The following C6orf118 variants were observed in gnomAD, a reference collection of about 807,000 sequenced individuals.
The protein encoded by C6orf118 is uncharacterized protein C6orf118.
A neutral mutation model predicts 50.2 loss-of-function variants in C6orf118; 50 were observed. The ratio of observed to expected loss-of-function variants is 1.00; its 90% CI spans 0.79 to 1.26. The LOEUF (loss-of-function observed/expected upper bound fraction) is 1.26. Ranked by LOEUF, C6orf118 falls within the 50% of genes most tolerant of loss-of-function variation. The pLI, the probability that C6orf118 is intolerant of heterozygous loss-of-function variation, is 0.00. For missense variants in C6orf118, 641 were observed against 578.7 expected (o/e 1.11, Z -1.10); for synonymous variants, 239 against 230.9 (o/e 1.03, Z -0.32).
chr6:165,297,027 C>T (rs1780334290), intron 5 of C6orf118, among the ~76,000 whole-genome samples: 1 of 152,194 alleles, frequency 6.6e-6, no homozygotes, highest in Non-Finnish European at 1.5e-5. Flanking sequence ...GATGAAGACA[C>T]ATCCCATGAA....
chr6:165,307,411 T>G (rs1780780349), intron 1 of C6orf118, among the ~76,000 whole-genome samples: 1 of 151,740 alleles, frequency 6.6e-6, no homozygotes, highest in Non-Finnish European at 1.5e-5. Context: ...ATACAGAAAT[T>G]AGACAGGCAT....
At chr6:165,291,361 T>G (rs1296831202) in intron 6 of C6orf118, among the ~76,000 whole-genome samples, 2 of 152,198 alleles carry the variant, frequency 1.3e-5, no homozygotes, top group African/African-American at 4.8e-5. Flanking sequence ...ATGAGTTCAA[T>G]GAAGCATGGA....
chr6:165,292,839 A>G (rs1052589065), intron 6 of C6orf118, among the ~76,000 whole-genome samples: 23 of 152,132 alleles, frequency 1.5e-4, no homozygotes, highest in Non-Finnish European at 3.1e-4. Context: ...CAGCAGGGGG[A>G]AAAAGGCGGT....
intron 6 of C6orf118, among the ~76,000 whole-genome samples, chr6:165,291,522 CA>C (rs1187032851): frequency 1.3e-5 from 2 of 152,084 alleles, no homozygotes; most frequent in Admixed American, 6.6e-5. Flanking sequence ...TTGAAATAGC[CA>C]GGGGGATGCC....
Position 165,290,004 on chromosome 6 carries a change from T to C in C6orf118, c.1184A>G (p.Lys395Arg). 1 of 1,610,556 alleles carries C rather than the reference T, an allele frequency of 6.2e-7. No individual in the cohort carries two copies. Among genetic ancestry groups the C allele is most frequent in the African/African-American group, 1.3e-5 (1 of 74,950 alleles). ...RLTLTEKVEKKRCEILSKWDE... is the reference protein window; with the variant it reads ...RLTLTEKVEKRRCEILSKWDE... ...CCACTTACTGAGTATTTCACACCTC[T>C]TCTTTTCAACCTTCTCAGTAAGAGT... Residue 395 changes from lysine to arginine, a missense_variant, in exon 7 of 9, where the codon AAG (lysine) becomes AGG (arginine). Physicochemically the swap from Lys to Arg is conservative, Grantham distance 26. Coordinates refer to ENST00000230301, the MANE Select transcript of C6orf118 (RefSeq NM_144980.4).
At chr6:165,293,050 C>A (rs1780160441) in intron 6 of C6orf118, 3 of 223,796 alleles carry the variant, frequency 1.3e-5, no homozygotes, top group Non-Finnish European at 2.7e-5. Context: ...GATACTTAAA[C>A]TTATTTTTAT....
intron 2 of C6orf118, 49 bp downstream of exon 2, chr6:165,301,492 GTGCCCTGAGAGCACTGCACCGAGAGCTA>G (rs1562334888): frequency 6.6e-6 from 10 of 1,518,870 alleles, no homozygotes; most frequent in Non-Finnish European, 8.8e-6. Flanking sequence ...CCCCAGAGCT[GTGCCCTGAGAGCACTGCACCGAGAGCTA>G]TGCCCTGAGA....
intron 4 of C6orf118, among the ~76,000 whole-genome samples, chr6:165,298,573 A>T (rs926832818): frequency 6.6e-6 from 1 of 152,182 alleles, no homozygotes; most frequent in African/African-American, 2.4e-5. Flanking sequence ...ACACAGAAAG[A>T]GGCATCCAGG....
intron 6 of C6orf118, 21 bp from the exon 7 acceptor site, chr6:165,290,088 A>C (rs755252322): frequency 1.4e-6 from 2 of 1,471,044 alleles, no homozygotes; most frequent in Non-Finnish European, 1.9e-6. Flanking sequence ...TTTTTAAAAC[A>C]AAGTATTACC....
chr6:165,281,296 T>C (rs1325887638), intron 8 of C6orf118, among the ~76,000 whole-genome samples: 2 of 152,186 alleles, frequency 1.3e-5, no homozygotes, highest in East Asian at 1.9e-4. Context: ...AGTGTACAGA[T>C]TGAGGTCTAA....
chr6:165,287,152 C>A (rs1336110238), intron 7 of C6orf118, among the ~76,000 whole-genome samples: 7 of 151,914 alleles, frequency 4.6e-5, no homozygotes, highest in African/African-American at 1.7e-4. Context: ...AGCAGAGAGC[C>A]CAATTATGAA....
intron 6 of C6orf118, among the ~76,000 whole-genome samples, chr6:165,290,592 G>A (rs1403015734): frequency 2.0e-5 from 3 of 152,112 alleles, no homozygotes; most frequent in African/African-American, 4.8e-5. Context: ...GGAGGGAAAC[G>A]GGGGGCAGAT....
At chr6:165,290,954 C>A (rs868784721) in intron 6 of C6orf118, among the ~76,000 whole-genome samples, 1 of 152,184 alleles carries the variant, frequency 6.6e-6, no homozygotes, top group East Asian at 1.9e-4. Flanking sequence ...TTCCATCTTA[C>A]ATGGATGGCA....
intron 8 of C6orf118, among the ~76,000 whole-genome samples, 185 bp from the exon 9 acceptor site, chr6:165,280,295 T>A (rs1779683703): frequency 6.6e-6 from 1 of 152,204 alleles, no homozygotes; most frequent in Non-Finnish European, 1.5e-5. Flanking sequence ...TGTAACAGAT[T>A]CTCTAAATAG....
intron 5 of C6orf118, among the ~76,000 whole-genome samples, chr6:165,294,749 G>T (rs1780232207): frequency 6.6e-6 from 1 of 152,072 alleles, no homozygotes; most frequent in Admixed American, 6.6e-5. Context: ...AATTAGTCAG[G>T]TGTGGTGCCT....
chr6:165,281,990 G>C (rs1464916693), intron 7 of C6orf118: 1 of 197,698 alleles, frequency 5.1e-6, no homozygotes, highest in African/African-American at 2.3e-5. Flanking sequence ...ACTAATGATA[G>C]AATTTGTTAA....
At chr6:165,289,806 C>A in intron 7 of C6orf118, 80 bp downstream of exon 7, 1 of 951,564 alleles carries the variant, frequency 1.1e-6, no homozygotes, top group Non-Finnish European at 1.5e-6. Flanking sequence ...ACCCTATTAC[C>A]AAATCACATT....
At chr6:165,283,237 C>A (rs998566217) in intron 7 of C6orf118, among the ~76,000 whole-genome samples, 4 of 152,108 alleles carry the variant, frequency 2.6e-5, no homozygotes, top group Non-Finnish European at 5.9e-5. Flanking sequence ...CTGGGAGCCG[C>A]AAGGGGACCT....
chr6:165,291,280 TGGCAATGTAGAGAA>T (rs1780096546), intron 6 of C6orf118, among the ~76,000 whole-genome samples: 1 of 152,230 alleles, frequency 6.6e-6, no homozygotes, highest in African/African-American at 2.4e-5. Context: ...TGACTAGATC[TGGCAATGTAGAGAA>T]GGCAATGTCA....
Sources: allele counts gnomAD v4.1 joint callset (sites outside exome capture counted in the v4.1 genomes callset), GRCh38; gene constraint gnomAD v4.1.1; transcripts MANE v1.5; gene names NCBI Gene and HGNC (gene_info 2026-07-23, HGNC 2026-07-21).